Variants in NELL1 observed in about 807,000 individuals in gnomAD.
NELL1 encodes protein kinase C-binding protein NELL1.
NELL1 carries 76 observed loss-of-function variants against 107.4 expected under a neutral mutation model. The observed-to-expected ratio is 0.71, with a 90% CI of 0.59 to 0.86. The LOEUF is 0.86. NELL1 is among the 40% of genes least tolerant of loss of function. The pLI is 0.00. For synonymous variants in NELL1, 353 were observed against 341.2 expected, an observed-to-expected ratio of 1.03 and a Z score of -0.38; for missense variants, 1,024 against 1,005.5, an observed-to-expected ratio of 1.02 and a Z score of -0.25.
chr11:21,370,743 T>C (rs1851339444), intron 14 of NELL1, 110 bp from the exon 15 acceptor site: 2 of 753,218 alleles, frequency 2.7e-6, no homozygotes. Context: ...TCAATACAGA[T>C]GTGTATTCCC....
At chr11:20,815,679 T>C (rs1230917998) in intron 3 of NELL1, among the ~76,000 whole-genome samples, 1 of 152,198 alleles carries the variant, frequency 6.6e-6, no homozygotes, top group Non-Finnish European at 1.5e-5. Flanking sequence ...TTGTTAATTT[T>C]TGTTTTTGTT....
chr11:21,344,233 A>G (rs1365180500), intron 14 of NELL1, among the ~76,000 whole-genome samples: 1 of 152,206 alleles, frequency 6.6e-6, no homozygotes, highest in East Asian at 1.9e-4. Flanking sequence ...TAAGTACAGT[A>G]ATAGAATTTT....
At chr11:20,933,582 G>C (rs371718336) in intron 9 of NELL1, among the ~76,000 whole-genome samples, 112 of 152,304 alleles carry the variant, frequency 7.4e-4, no homozygotes, top group African/African-American at 2.7e-3. Flanking sequence ...CAGTCTCTCT[G>C]ATCTGCCACT....
intron 13 of NELL1, among the ~76,000 whole-genome samples, chr11:21,218,917 T>C (rs568738173): frequency 1.3e-5 from 2 of 152,314 alleles, no homozygotes; most frequent in South Asian, 4.1e-4. Flanking sequence ...ATTCCGTATG[T>C]TGGCTATTGT....
At chr11:20,832,718 G>A (rs1858038090) in intron 3 of NELL1, among the ~76,000 whole-genome samples, 1 of 152,166 alleles carries the variant, frequency 6.6e-6, no homozygotes, top group Non-Finnish European at 1.5e-5. Context: ...AAATAATGAT[G>A]ACAATAATAA....
chr11:21,005,092 C>A (rs1019295867), intron 12 of NELL1, among the ~76,000 whole-genome samples: 13 of 152,042 alleles, frequency 8.6e-5, no homozygotes, highest in African/African-American at 3.1e-4. Flanking sequence ...AAAGGGAGAG[C>A]TCATATTCAG....
At chr11:20,912,289 C>G (rs537068791) in intron 5 of NELL1, among the ~76,000 whole-genome samples, 15 of 152,196 alleles carry the variant, frequency 9.9e-5, no homozygotes, top group Non-Finnish European at 1.9e-4. Context: ...TAATTCCTGT[C>G]TGAGACACAG....
At chr11:21,043,280 G>T (rs1291733042) in intron 12 of NELL1, among the ~76,000 whole-genome samples, 1 of 152,068 alleles carries the variant, frequency 6.6e-6, no homozygotes, top group African/African-American at 2.4e-5. Context: ...AGATTGAAAA[G>T]CTCTGGCTCT....
rs755617657 is a variant in NELL1 at position 21,370,881 on chromosome 11, T to G, written c.1578T>G (p.Gly526=). ...TCTGTGAAGAGGGCTGCAGATACGG[T>G]GGAACGTGTGTGGCTCCCAACAAAT... is the stretch of plus-strand genomic sequence containing the variant. ...RAFCEEGCRY[G]GTCVAPNKCV... Residue 526 remains glycine (G), a synonymous_variant, in exon 15 of 20, where the codon GGT becomes GGG. Coordinates refer to ENST00000357134, the MANE Select transcript of NELL1 (RefSeq NM_006157.5). 8 of 1,611,810 alleles carry G rather than the reference T, an allele frequency of 5.0e-6. No individual in the cohort carries two copies. In the Admixed American group the frequency reaches 1.3e-4, roughly 27 times the overall value.
intron 14 of NELL1, among the ~76,000 whole-genome samples, chr11:21,337,405 C>T (rs1013959552): frequency 6.6e-6 from 1 of 152,166 alleles, no homozygotes; most frequent in African/African-American, 2.4e-5. Flanking sequence ...GTATTTCTTG[C>T]TCACATAAAA....
chr11:21,565,407 T>C (rs1319577303), intron 17 of NELL1, among the ~76,000 whole-genome samples: 2 of 151,854 alleles, frequency 1.3e-5, no homozygotes, highest in African/African-American at 4.8e-5. Context: ...TGATGTTTTT[T>C]CTCCATGATT....
chr11:21,311,490 A>C (rs769190046), intron 14 of NELL1, among the ~76,000 whole-genome samples: 4 of 152,116 alleles, frequency 2.6e-5, no homozygotes, highest in African/African-American at 4.8e-5. Context: ...CAAATACATA[A>C]TTTTTATCTC....
At chr11:21,501,161 G>A (rs1435591837) in intron 15 of NELL1, among the ~76,000 whole-genome samples, 1 of 152,128 alleles carries the variant, frequency 6.6e-6, no homozygotes, top group Non-Finnish European at 1.5e-5. Context: ...ATGTGTGTAT[G>A]CGCCCCTAAC....
chr11:21,535,866 T>C (rs373857048), intron 16 of NELL1, among the ~76,000 whole-genome samples: 8 of 152,188 alleles, frequency 5.3e-5, no homozygotes, highest in African/African-American at 1.9e-4. Flanking sequence ...CTTTACATAC[T>C]GCCAGGTACT....
intron 12 of NELL1, among the ~76,000 whole-genome samples, chr11:21,067,001 A>G (rs1461847071): frequency 6.6e-6 from 1 of 151,962 alleles, no homozygotes; most frequent in Admixed American, 6.5e-5. Context: ...AAATAAATAG[A>G]GTTCCTACCC....
intron 5 of NELL1, among the ~76,000 whole-genome samples, chr11:20,898,586 C>A (rs1272674649): frequency 2.6e-5 from 4 of 151,014 alleles, no homozygotes; most frequent in Non-Finnish European, 5.9e-5. Flanking sequence ...AAAAAGTGTT[C>A]TCTTTTCACC....
At chr11:20,729,773 G>T (rs1184007790) in intron 2 of NELL1, among the ~76,000 whole-genome samples, 1 of 152,098 alleles carries the variant, frequency 6.6e-6, no homozygotes, top group African/African-American at 2.4e-5. Context: ...TACTAGGAGA[G>T]AATAACTGTG....
At chr11:20,708,568 T>G (rs951579677) in intron 2 of NELL1, among the ~76,000 whole-genome samples, 11 of 152,146 alleles carry the variant, frequency 7.2e-5, no homozygotes, top group Non-Finnish European at 1.5e-4. Context: ...TTTGATGGTA[T>G]TATTTGCTTT....
chr11:21,052,180 G>A (rs1853508973), intron 12 of NELL1, among the ~76,000 whole-genome samples: 1 of 152,050 alleles, frequency 6.6e-6, no homozygotes, highest in South Asian at 2.1e-4. Context: ...AGACCATTAT[G>A]TCTGGAGTGT....
Sources: gnomAD v4.1 joint callset for allele counts (sites outside exome capture counted in the v4.1 genomes callset) on GRCh38, gnomAD v4.1.1 for gene constraint, MANE v1.5 for transcripts, NCBI Gene and HGNC (gene_info 2026-07-23, HGNC 2026-07-21) for gene names.